The following SPATA6 variants were observed in gnomAD, a reference collection of about 807,000 sequenced individuals.
SPATA6 encodes spermatogenesis associated 6, also known as spermatogenesis-associated protein 6.
A neutral mutation model predicts 65.3 loss-of-function variants in SPATA6; 56 were observed. The observed-to-expected ratio is 0.86, with a 90% CI of 0.69 to 1.07. The LOEUF is 1.07. SPATA6 is among the 50% of genes least tolerant of loss of function. The pLI is 0.00. For missense variants in SPATA6, 590 were observed against 594.8 expected, an observed-to-expected ratio of 0.99 and a Z score of 0.08; for synonymous variants, 199 against 213.2, an observed-to-expected ratio of 0.93 and a Z score of 0.58.
At chr1:48,420,756 C>A (rs1570519906) in intron 3 of SPATA6, among the ~76,000 whole-genome samples, 1 of 152,198 alleles carries the variant, frequency 6.6e-6, no homozygotes, top group East Asian at 1.9e-4. Flanking sequence ...TATTAAGAAT[C>A]TTCTACATGT....
chr1:48,278,135 G>A, the SPATA6 span, among the ~76,000 whole-genome samples: 157 of 152,172 alleles, frequency 1.0e-3, no homozygotes, highest in Non-Finnish European at 2.0e-3. Flanking sequence ...TCTGTTAGAA[G>A]GAAAACTAAC....
chr1:48,293,656 G>C (rs1644782740), downstream of SPATA6, among the ~76,000 whole-genome samples: 1 of 152,184 alleles, frequency 6.6e-6, no homozygotes, highest in African/African-American at 2.4e-5. Flanking sequence ...TTAGAGAACA[G>C]TATATCAGCT....
chr1:48,418,107 C>G (rs1024766946), intron 3 of SPATA6, among the ~76,000 whole-genome samples: 2 of 152,100 alleles, frequency 1.3e-5, no homozygotes, highest in Non-Finnish European at 2.9e-5. Context: ...TGTGTCTGTA[C>G]AGGTAATTTA....
intron 1 of SPATA6, among the ~76,000 whole-genome samples, chr1:48,468,762 C>T (rs1657997581): frequency 6.6e-6 from 1 of 152,058 alleles, no homozygotes; most frequent in Non-Finnish European, 1.5e-5. Context: ...AAAGACCTAT[C>T]AATCAAATGA....
intron 3 of SPATA6, among the ~76,000 whole-genome samples, chr1:48,418,286 G>A (rs1652970025): frequency 6.6e-6 from 1 of 152,038 alleles, no homozygotes; most frequent in Non-Finnish European, 1.5e-5. Context: ...GGAAAATGCT[G>A]AAGTGGTACT....
intron 4 of SPATA6, among the ~76,000 whole-genome samples, chr1:48,411,868 CT>C (rs551357245): frequency 1.2e-3 from 170 of 145,948 alleles, no homozygotes; most frequent in Middle Eastern, 3.5e-3. Context: ...TTGAGACAGA[CT>C]TTTTTTTTTT....
At chr1:48,379,462 G>A (rs1427831322) in intron 9 of SPATA6, among the ~76,000 whole-genome samples, 1 of 152,148 alleles carries the variant, frequency 6.6e-6, no homozygotes, top group East Asian at 1.9e-4. Flanking sequence ...GTTGCCAGGG[G>A]GACATTGGGG....
chr1:48,361,605 AGT>A (rs1646815780), intron 9 of SPATA6, among the ~76,000 whole-genome samples: 1 of 152,192 alleles, frequency 6.6e-6, no homozygotes, highest in Admixed American at 6.5e-5. Flanking sequence ...TTTATGTTAT[AGT>A]AGCGCTATTT....
intron 5 of SPATA6, among the ~76,000 whole-genome samples, chr1:48,405,601 A>G (rs1651628743): frequency 6.6e-6 from 1 of 152,194 alleles, no homozygotes. Flanking sequence ...AAACCTCTCC[A>G]AAAGGCTACT....
intron 11 of SPATA6, among the ~76,000 whole-genome samples, chr1:48,344,779 G>C (rs1476932636): frequency 6.6e-6 from 1 of 152,092 alleles, no homozygotes; most frequent in Non-Finnish European, 1.5e-5. Context: ...AGACAAAGAA[G>C]GGCATTACAT....
the SPATA6 span, among the ~76,000 whole-genome samples, chr1:48,288,432 A>G: frequency 0.025 from 3,737 of 152,294 alleles, 95 homozygotes; most frequent in African/African-American, 0.067. Flanking sequence ...TGCAGAAGAC[A>G]GGTGATGTCT....
chr1:48,409,409 T>C (rs1169874137), intron 5 of SPATA6, among the ~76,000 whole-genome samples: 1 of 152,352 alleles, frequency 6.6e-6, no homozygotes, highest in Non-Finnish European at 1.5e-5. Flanking sequence ...CTTCACTGGT[T>C]GGCACTGAGT....
At chr1:48,268,328 G>GACA in the SPATA6 span, among the ~76,000 whole-genome samples, 1 of 147,020 alleles carries the variant, frequency 6.8e-6, no homozygotes, top group South Asian at 2.2e-4. Flanking sequence ...GTGTGTGTGT[G>GACA]TGTGTTTGTG....
intron 8 of SPATA6, among the ~76,000 whole-genome samples, chr1:48,388,316 T>C (rs1031444665): frequency 6.6e-6 from 1 of 150,854 alleles, no homozygotes; most frequent in African/African-American, 2.4e-5. Flanking sequence ...CAACCAGTAA[T>C]GAGGATTCAT....
chr1:48,411,048 A>AT (rs1208423836), intron 5 of SPATA6, among the ~76,000 whole-genome samples: 5 of 152,176 alleles, frequency 3.3e-5, no homozygotes, highest in Non-Finnish European at 7.4e-5. Context: ...GAGTTAGAGT[A>AT]TTTTTTCAAA....
chr1:48,460,779 T>C (rs1235888283), intron 1 of SPATA6, among the ~76,000 whole-genome samples: 1 of 151,670 alleles, frequency 6.6e-6, no homozygotes, highest in Non-Finnish European at 1.5e-5. Flanking sequence ...AAAGAGAGAC[T>C]AAATGAGAAT....
chr1:48,448,921 T>C (rs972734925), intron 3 of SPATA6, among the ~76,000 whole-genome samples: 2 of 152,142 alleles, frequency 1.3e-5, no homozygotes, highest in Non-Finnish European at 2.9e-5. Context: ...AGGGACTTTT[T>C]GGGGTGGTAG....
At chr1:48,276,582 C>A in the SPATA6 span, among the ~76,000 whole-genome samples, 2 of 152,124 alleles carry the variant, frequency 1.3e-5, no homozygotes, top group Non-Finnish European at 2.9e-5. Flanking sequence ...GCCGTTACGT[C>A]CTTATTTACC....
At chr1:48,388,739 C>T (rs1316060151) in intron 8 of SPATA6, among the ~76,000 whole-genome samples, 1 of 150,546 alleles carries the variant, frequency 6.6e-6, no homozygotes, top group Non-Finnish European at 1.5e-5. Context: ...GATAGGGTCT[C>T]ACTCTGCCAC....
Sources: allele counts gnomAD v4.1 joint callset (sites outside exome capture counted in the v4.1 genomes callset), GRCh38; gene constraint gnomAD v4.1.1; transcripts MANE v1.5; gene names NCBI Gene and HGNC (gene_info 2026-07-23, HGNC 2026-07-21).